The following GPC6 variants were observed in gnomAD, a reference collection of about 807,000 sequenced individuals.
GPC6 encodes glypican 6.
Under a neutral mutation model 55.2 loss-of-function variants are expected in GPC6, and 14 were observed. The observed-to-expected ratio is 0.25, with a 90% confidence interval of 0.17 to 0.40. The LOEUF (loss-of-function observed/expected upper bound fraction) is 0.40. Among genes scored for constraint, GPC6 ranks in the 10% least tolerant of loss-of-function variants. The pLI is 1.00. For missense variants in GPC6, 641 were observed against 708.5 expected (o/e 0.90, Z 1.08); for synonymous variants, 278 against 259.6 (o/e 1.07, Z -0.68).
chr13:93,242,791 C>T (rs1207216395), intron 1 of GPC6, among the ~76,000 whole-genome samples: 1 of 152,142 alleles, frequency 6.6e-6, no homozygotes, highest in Admixed American at 6.5e-5. Flanking sequence ...ATGCACTCCC[C>T]CTTTCCCTAG....
At chr13:93,645,575 T>A (rs1338152042) in intron 2 of GPC6, among the ~76,000 whole-genome samples, 1 of 152,176 alleles carries the variant, frequency 6.6e-6, no homozygotes, top group Non-Finnish European at 1.5e-5. Context: ...AAACTGTTCC[T>A]CGTACGTTTG....
At chr13:93,397,928 A>G (rs577238446) in intron 1 of GPC6, among the ~76,000 whole-genome samples, 45 of 152,298 alleles carry the variant, frequency 3.0e-4, no homozygotes, top group South Asian at 8.3e-4. Flanking sequence ...ACACTGTAAG[A>G]TGCTGCTAAG....
At chr13:93,613,312 G>A (rs941658864) in intron 2 of GPC6, among the ~76,000 whole-genome samples, 1 of 152,042 alleles carries the variant, frequency 6.6e-6, no homozygotes, top group Non-Finnish European at 1.5e-5. Flanking sequence ...CTGAAACTTG[G>A]CTAAGTGATT....
rs972541618 is a variant in GPC6 at position 94,105,972 on chromosome 13, C to T, written c.877+78078C>T. 3.2e-3 allele frequency among the ~76,000 whole-genome samples: 446 copies of T among 138,710 alleles called. 6 individuals are homozygous for T. Among genetic ancestry groups the T allele is most frequent in the African/African-American group, 0.012 (425 of 36,786 alleles). 91.0% of individuals were successfully genotyped at this position (138,710 alleles called of 152,430 possible). On this transcript the variant is annotated intron_variant, in intron 4 of 8. Coordinates refer to ENST00000377047, the MANE Select transcript of GPC6 (RefSeq NM_005708.5). ...CCTACATTGGAAAGGGTAGCTCCCA[C>T]GACCAAGAGTTATCCAGCTATCCTA...
At chr13:94,295,333 T>A (rs1474244053) in intron 5 of GPC6, among the ~76,000 whole-genome samples, 10 of 152,190 alleles carry the variant, frequency 6.6e-5, no homozygotes, top group African/African-American at 2.4e-4. Flanking sequence ...GGCTAAGCAT[T>A]TTAATTGCTA....
intron 3 of GPC6, among the ~76,000 whole-genome samples, chr13:93,864,159 A>T (rs1594536170): frequency 6.6e-6 from 1 of 151,704 alleles, no homozygotes; most frequent in East Asian, 2.0e-4. Context: ...TGTGAATAAA[A>T]ATGCCCACCT....
intron 5 of GPC6, among the ~76,000 whole-genome samples, chr13:94,294,854 A>G (rs1875239329): frequency 1.3e-5 from 2 of 151,990 alleles, no homozygotes; most frequent in Admixed American, 6.6e-5. Context: ...TCCTTTTTTT[A>G]CGGTTATTTT....
At chr13:93,672,397 C>A (rs762257181) in intron 2 of GPC6, among the ~76,000 whole-genome samples, 2 of 151,788 alleles carry the variant, frequency 1.3e-5, no homozygotes, top group African/African-American at 4.8e-5. Context: ...AGTTATCTTG[C>A]CTCTGCTGGT....
intron 3 of GPC6, among the ~76,000 whole-genome samples, chr13:93,848,867 T>A (rs1888295324): frequency 6.6e-6 from 1 of 152,136 alleles, no homozygotes; most frequent in Non-Finnish European, 1.5e-5. Flanking sequence ...TCCTCTCCCC[T>A]TTCTTTCAAA....
intron 4 of GPC6, among the ~76,000 whole-genome samples, chr13:94,165,936 AT>A (rs1226024339): frequency 6.6e-6 from 1 of 152,114 alleles, no homozygotes; most frequent in East Asian, 1.9e-4. Context: ...GTGTATATGA[AT>A]TTATTTATTT....
chr13:93,661,893 A>G (rs948873450), intron 2 of GPC6, among the ~76,000 whole-genome samples: 3 of 152,288 alleles, frequency 2.0e-5, no homozygotes, highest in Non-Finnish European at 4.4e-5. Flanking sequence ...GGGGCACTAT[A>G]TGTTTCAGAT....
intron 6 of GPC6, among the ~76,000 whole-genome samples, chr13:94,311,061 G>A (rs1758290067): frequency 6.6e-6 from 1 of 152,164 alleles, no homozygotes; most frequent in Admixed American, 6.5e-5. Context: ...AGCATTCAGA[G>A]CATTTGGAGA....
chr13:93,328,805 G>C (rs2139133435), intron 1 of GPC6, among the ~76,000 whole-genome samples: 1 of 152,204 alleles, frequency 6.6e-6, no homozygotes, highest in East Asian at 1.9e-4. Context: ...TTTATTAATT[G>C]CTGAATTAGT....
intron 4 of GPC6, among the ~76,000 whole-genome samples, chr13:94,075,663 A>G (rs532613024): frequency 1.1e-4 from 17 of 152,220 alleles, no homozygotes; most frequent in African/African-American, 3.8e-4. Flanking sequence ...CTCTGCTTCT[A>G]TGAGTTTGAC....
At chr13:93,775,168 T>A (rs1885427269) in intron 2 of GPC6, among the ~76,000 whole-genome samples, 1 of 152,178 alleles carries the variant, frequency 6.6e-6, no homozygotes, top group South Asian at 2.1e-4. Flanking sequence ...TCTCATTTTG[T>A]TTTTCTTTTT....
intron 1 of GPC6, among the ~76,000 whole-genome samples, chr13:93,308,011 A>G (rs371559523): frequency 1.7e-4 from 26 of 152,106 alleles, no homozygotes; most frequent in Non-Finnish European, 2.8e-4. Flanking sequence ...CAGGCCGGGC[A>G]CGGTGGCTCA....
At chr13:93,447,697 T>A (rs1449510844) in intron 1 of GPC6, among the ~76,000 whole-genome samples, 2 of 152,216 alleles carry the variant, frequency 1.3e-5, no homozygotes, top group Non-Finnish European at 2.9e-5. Flanking sequence ...GTCCTTTCAA[T>A]TTCAATTATC....
intron 3 of GPC6, among the ~76,000 whole-genome samples, chr13:93,993,531 A>G (rs1034093174): frequency 6.6e-6 from 1 of 151,834 alleles, no homozygotes; most frequent in African/African-American, 2.4e-5. Context: ...CCTGACCTCA[A>G]ATGATCCACC....
the GPC6 span, among the ~76,000 whole-genome samples, chr13:93,217,826 T>A: frequency 1.6e-3 from 240 of 152,326 alleles, 1 homozygote; most frequent in Non-Finnish European, 2.4e-3. Flanking sequence ...TATTCATTAT[T>A]CATAGAGGTC....
Sources: gnomAD v4.1 joint callset for allele counts (sites outside exome capture counted in the v4.1 genomes callset) on GRCh38, gnomAD v4.1.1 for gene constraint, MANE v1.5 for transcripts, NCBI Gene and HGNC (gene_info 2026-07-23, HGNC 2026-07-21) for gene names.